The following IQSEC1 variants were observed in gnomAD, a reference collection of about 807,000 sequenced individuals.
IQSEC1 encodes the protein IQ motif and Sec7 domain ArfGEF 1.
IQSEC1 carries 31 observed loss-of-function variants against 91.0 expected under a neutral mutation model. That is an observed-to-expected ratio of 0.34 (90% CI 0.26 to 0.46). The LOEUF is 0.46. IQSEC1 is among the 20% of genes least tolerant of loss of function. IQSEC1 has a pLI of 1.00. For synonymous variants in IQSEC1, 699 were observed against 662.6 expected (o/e 1.05, Z -0.84); for missense variants, 1,388 against 1,575.6 (o/e 0.88, Z 2.02).
intron 1 of IQSEC1, among the ~76,000 whole-genome samples, chr3:12,986,407 C>G (rs1429076779): frequency 6.6e-6 from 1 of 152,234 alleles, no homozygotes; most frequent in Non-Finnish European, 1.5e-5. Context: ...GTCACACAGG[C>G]AGACTACTGA....
rs780441243 is a variant in IQSEC1 at position 12,899,860 on chromosome 3, G to A, written c.*1123C>T. The stretch of plus-strand genomic sequence containing the variant: ...GACGTTATGGTGTTGGGGAGACGAG[G>A]ATGAGAGCTGGTCACTTTCATGTTG... On this transcript the variant is annotated 3_prime_UTR_variant, in exon 14 of 14. Coordinates refer to ENST00000613206, the MANE Select transcript of IQSEC1 (RefSeq NM_001134382.3). 4 of 985,352 alleles carry A rather than the reference G, an allele frequency of 4.1e-6. No individual in the cohort carries two copies. The highest frequency in any genetic ancestry group is 4.8e-6 in the Non-Finnish European group (4 of 829,910). 61.0% of individuals were successfully genotyped at this position (985,352 alleles called of 1,614,324 possible).
chr3:13,223,774 A>G (rs1358152964), intron 1 of IQSEC1, among the ~76,000 whole-genome samples: 2 of 152,128 alleles, frequency 1.3e-5, no homozygotes, highest in Non-Finnish European at 2.9e-5. Context: ...TGCATTCCAG[A>G]CTTTACACCT....
chr3:12,974,924 C>T (rs1013267551), intron 1 of IQSEC1, among the ~76,000 whole-genome samples: 3 of 152,252 alleles, frequency 2.0e-5, no homozygotes, highest in African/African-American at 7.2e-5. Flanking sequence ...AGCTCTGTCC[C>T]CCGTGTCCAC....
At chr3:13,220,375 G>A (rs1218932488) in intron 1 of IQSEC1, among the ~76,000 whole-genome samples, 1 of 152,180 alleles carries the variant, frequency 6.6e-6, no homozygotes, top group African/African-American at 2.4e-5. Context: ...GCAAAGAAGG[G>A]GGGTCCTTGC....
Position 13,018,153 on chromosome 3 carries a change from G to A in IQSEC1, c.23+54839C>T, listed in dbSNP as rs377168337. 1.2e-3 allele frequency among the ~76,000 whole-genome samples: 176 copies of A among 152,348 alleles called. 3 individuals are homozygous for A. The highest frequency in any genetic ancestry group is 3.9e-3 in the African/African-American group (162 of 41,586). On this transcript the variant is annotated intron_variant, in intron 1 of 13. Transcript: ENST00000613206. ...TCCAAGTGGGAACAAATGTCCTCGC[G>A]TCAGAGCTGCCTAGGCATGGCCCAG...
At chr3:13,256,797 A>T (rs769859468) in intron 1 of IQSEC1, among the ~76,000 whole-genome samples, 2 of 152,184 alleles carry the variant, frequency 1.3e-5, no homozygotes, top group Non-Finnish European at 2.9e-5. Flanking sequence ...GGAGAGACGC[A>T]AAGCACGAGA....
rs111322824 is a variant in IQSEC1 at position 12,935,802 on chromosome 3, T to C, written c.1214A>G (p.Lys405Arg). Residue 405 changes from lysine (K) to arginine (R), a missense_variant, in exon 3 of 14, where the codon AAG (lysine) becomes AGG (arginine). Transcript: ENST00000613206. This position sits in a 1 kb window ranked among gnomAD's most constrained non-coding sequence, Gnocchi z 8.0. ...GGGGGCGCCGCTGTGGGGACCATGC[T>C]TGGGACTGCCCTGCTGCCCGCCAAG... ...RSLGGQQGSP[K>R]HGPHSGAPKS... 6.2e-7 allele frequency: 1 copy of C among 1,607,708 alleles called. No individual in the cohort carries two copies.
chr3:13,079,189 T>A (rs947439318), intron 2 of IQSEC1, among the ~76,000 whole-genome samples: 7 of 152,210 alleles, frequency 4.6e-5, no homozygotes. Context: ...GGGCTGTGTG[T>A]AGGGCGGAGG....
chr3:13,031,281 G>A (rs1703831583), intron 1 of IQSEC1, among the ~76,000 whole-genome samples: 1 of 152,266 alleles, frequency 6.6e-6, no homozygotes, highest in Middle Eastern at 3.2e-3. Flanking sequence ...ATCAGGGAAT[G>A]GTGGTGACAA....
intron 1 of IQSEC1, among the ~76,000 whole-genome samples, chr3:13,058,235 T>A (rs542644458): frequency 1.3e-3 from 205 of 152,300 alleles, no homozygotes; most frequent in African/African-American, 4.8e-3. Context: ...ATGGCGCCAC[T>A]GCACTCCAGC....
In IQSEC1 at chr3:12,993,673, T is replaced by A. The variant is rs146424938; in HGVS notation, c.24-51808A>T. The stretch of plus-strand genomic sequence containing the variant: ...TCGCAAGGCTTCGGGATAAGCCGTC[T>A]GCATAGCCGCGGAGGTTGGGGCTTC... On this transcript the variant is annotated intron_variant, in intron 1 of 13. Transcript: ENST00000613206. Among the ~76,000 whole-genome samples, 1,414 of 152,216 alleles carry A rather than the reference T, an allele frequency of 9.3e-3. 20 individuals carry two copies. The highest frequency in any genetic ancestry group is 0.033 in the African/African-American group (1,358 of 41,566).
rs187064405 is a variant in IQSEC1, at chr3:12,899,505, T to C, written c.*1478A>G. The C allele has an allele frequency of 5.8e-6, 9 of 1,564,182 alleles. No individual in the cohort carries two copies. The African/African-American group carries it at 1.1e-4, about 19-fold the overall frequency. Reference sequence around the variant, plus strand: ...TGCAGGTCTGGCCCTGGGGAGCGCATGGTGTCACCACAACACAGAAGCGAC... The same window carrying C: ...TGCAGGTCTGGCCCTGGGGAGCGCACGGTGTCACCACAACACAGAAGCGAC... On this transcript the variant is annotated 3_prime_UTR_variant, in exon 14 of 14. Coordinates refer to ENST00000613206, the MANE Select transcript of IQSEC1 (RefSeq NM_001134382.3).
chr3:13,173,178 T>C (rs1693651517), intron 1 of IQSEC1, among the ~76,000 whole-genome samples: 1 of 152,218 alleles, frequency 6.6e-6, no homozygotes, highest in African/African-American at 2.4e-5. Context: ...ATTTCAGTTC[T>C]GGATCAAGCA....
intron 1 of IQSEC1, among the ~76,000 whole-genome samples, chr3:13,023,534 ACCGGGGGAAACTGAGGCTCAGAGAGGG>A: frequency 6.6e-6 from 1 of 151,924 alleles, no homozygotes; most frequent in Non-Finnish European, 1.5e-5. Flanking sequence ...CTTCCATTTC[ACCGGGGGAAACTGAGGCTCAGAGAGGG>A]CCATCACCTG....
intron 2 of IQSEC1, among the ~76,000 whole-genome samples, chr3:13,115,010 G>A (rs1476606994): frequency 6.6e-6 from 1 of 152,182 alleles, no homozygotes; most frequent in Non-Finnish European, 1.5e-5. Flanking sequence ...GCTGGGCAGT[G>A]TGGGGAGGCC....
rs1457164387 is a variant in IQSEC1 at position 13,211,715 on chromosome 3, T to A, written c.273-47582A>T. The stretch of plus-strand genomic sequence containing the variant: ...GCTCAGCCACCACGTTTCCCAAATC[T>A]AGGTGCCCAGCCTCCAGGCCTTTGC... On this transcript the variant is annotated intron_variant, in intron 1 of 15. Coordinates refer to the IQSEC1 transcript ENST00000648114. The surrounding 1 kb of genome is among the most constrained non-coding windows in gnomAD (Gnocchi z 5.3). Among the ~76,000 whole-genome samples, 1 of 152,150 alleles carries A rather than the reference T, an allele frequency of 6.6e-6. No individual in the cohort carries two copies. Among genetic ancestry groups the A allele is most frequent in the Non-Finnish European group, 1.5e-5 (1 of 68,028 alleles).
chr3:13,256,694 C>T lies in IQSEC1; in HGVS notation c.272+26017G>A, dbSNP rs557909313. Among the ~76,000 whole-genome samples, 6 of 152,318 alleles carry T rather than the reference C, an allele frequency of 3.9e-5. No individual in the cohort carries two copies. The East Asian group carries it at 7.7e-4, about 20-fold the overall frequency. Reference sequence around the variant, plus strand: ...CCAGGCAGACAGAAACCCTTCCCTCCGGGACCCCAGGCCATGGTGGGAAGA... The same window carrying T: ...CCAGGCAGACAGAAACCCTTCCCTCTGGGACCCCAGGCCATGGTGGGAAGA... On this transcript the variant is annotated intron_variant, in intron 1 of 15. Coordinates refer to the IQSEC1 transcript ENST00000648114.
intron 1 of IQSEC1, among the ~76,000 whole-genome samples, chr3:13,229,857 A>T (rs1694815488): frequency 6.6e-6 from 1 of 152,210 alleles, no homozygotes. Flanking sequence ...CAAGTGACCC[A>T]ACCTGTCTGT....
At chr3:12,928,672 T>G (rs1399128223) in intron 3 of IQSEC1, among the ~76,000 whole-genome samples, 1 of 152,158 alleles carries the variant, frequency 6.6e-6, no homozygotes, top group Non-Finnish European at 1.5e-5. Flanking sequence ...TGCTGGGTGG[T>G]GAATTCTCCA....
Sources: gnomAD v4.1 joint callset for allele counts (sites outside exome capture counted in the v4.1 genomes callset) on GRCh38, gnomAD v4.1.1 for gene constraint, Gnocchi (gnomAD v3.1) non-coding constraint, MANE v1.5 for transcripts, NCBI Gene and HGNC (gene_info 2026-07-23, HGNC 2026-07-21) for gene names.